Variants in NRXN1 observed in about 807,000 individuals in gnomAD.
NRXN1 encodes the protein neurexin-1.
NRXN1 carries 39 observed loss-of-function variants against 150.9 expected under a neutral mutation model. The observed-to-expected ratio is 0.26, with a 90% CI of 0.20 to 0.34. NRXN1 has a LOEUF of 0.34. Ranked by LOEUF, NRXN1 falls within the 10% of genes least tolerant of loss-of-function variation. The pLI, the probability that NRXN1 is intolerant of heterozygous loss-of-function variation, is 1.00. For synonymous variants in NRXN1, 924 were observed against 757.0 expected (o/e 1.22, Z -3.62); for missense variants, 1,815 against 1,949.9 (o/e 0.93, Z 1.30).
At chr2:50,804,128 C>T (rs950619688) in intron 5 of NRXN1, among the ~76,000 whole-genome samples, 1 of 152,104 alleles carries the variant, frequency 6.6e-6, no homozygotes, top group Non-Finnish European at 1.5e-5. Context: ...CGAATCAGTT[C>T]TCGAAATGAA....
At chr2:50,306,346 C>A (rs2074608177) in intron 17 of NRXN1, among the ~76,000 whole-genome samples, 1 of 152,162 alleles carries the variant, frequency 6.6e-6, no homozygotes, top group Admixed American at 6.5e-5. Flanking sequence ...AACGGCAGTA[C>A]CTGAGACCCC....
intron 5 of NRXN1, among the ~76,000 whole-genome samples, chr2:50,847,281 A>C (rs1321830376): frequency 6.6e-6 from 1 of 152,120 alleles, no homozygotes; most frequent in Non-Finnish European, 1.5e-5. Flanking sequence ...TTTTAAAGTA[A>C]TTGTGACCAG....
chr2:50,187,727 A>G (rs1005480618), intron 18 of NRXN1, among the ~76,000 whole-genome samples: 3 of 151,952 alleles, frequency 2.0e-5, no homozygotes, highest in African/African-American at 7.2e-5. Context: ...ATCCATGAGC[A>G]TGGTTCCATT....
At chr2:50,009,229 G>C (rs1202738871) in intron 21 of NRXN1, among the ~76,000 whole-genome samples, 1 of 152,060 alleles carries the variant, frequency 6.6e-6, no homozygotes, top group East Asian at 1.9e-4. Flanking sequence ...GTCATGAATG[G>C]AACTTAGGTA....
At chr2:50,875,266 C>T (rs954597483) in intron 5 of NRXN1, among the ~76,000 whole-genome samples, 4 of 151,612 alleles carry the variant, frequency 2.6e-5, no homozygotes, top group African/African-American at 9.7e-5. Flanking sequence ...AACTTCTTCA[C>T]TGCATGTAAG....
At chr2:50,402,431 G>A (rs2082453397) in intron 17 of NRXN1, among the ~76,000 whole-genome samples, 1 of 151,922 alleles carries the variant, frequency 6.6e-6, no homozygotes, top group Admixed American at 6.6e-5. Context: ...AATATCATCT[G>A]CCAATCTAAT....
chr2:51,018,028 G>A (rs1273363659), intron 2 of NRXN1, among the ~76,000 whole-genome samples: 3 of 152,006 alleles, frequency 2.0e-5, no homozygotes, highest in Non-Finnish European at 2.9e-5. Context: ...CGGGGCTGTG[G>A]ATTCTGCTGA....
chr2:50,900,285 A>C (rs1682717739), intron 5 of NRXN1, among the ~76,000 whole-genome samples: 1 of 152,110 alleles, frequency 6.6e-6, no homozygotes, highest in African/African-American at 2.4e-5. Context: ...TAAATCTCCA[A>C]ACCTCACCAT....
At chr2:50,550,479 A>T (rs1573506129) in intron 9 of NRXN1, among the ~76,000 whole-genome samples, 1 of 152,026 alleles carries the variant, frequency 6.6e-6, no homozygotes, top group East Asian at 1.9e-4. Context: ...TATAACATCC[A>T]CAAGCTAATA....
intron 5 of NRXN1, among the ~76,000 whole-genome samples, chr2:50,652,640 G>T (rs1025146401): frequency 6.6e-6 from 1 of 152,032 alleles, no homozygotes; most frequent in African/African-American, 2.4e-5. Context: ...TAAGAATGCT[G>T]CTGCTATGCT....
At chr2:50,290,200 G>A (rs115652925) in intron 17 of NRXN1, among the ~76,000 whole-genome samples, 1 of 152,082 alleles carries the variant, frequency 6.6e-6, no homozygotes, top group African/African-American at 2.4e-5. Flanking sequence ...AATAATTAAC[G>A]ACAAATGAGT....
intron 18 of NRXN1, among the ~76,000 whole-genome samples, chr2:50,214,616 T>C (rs1488362301): frequency 6.6e-6 from 1 of 152,000 alleles, no homozygotes; most frequent in East Asian, 1.9e-4. Context: ...TAGTCTGTAT[T>C]CTAGCTACTT....
At chr2:50,958,841 T>C (rs1279158601) in intron 2 of NRXN1, among the ~76,000 whole-genome samples, 2 of 152,144 alleles carry the variant, frequency 1.3e-5, no homozygotes, top group Non-Finnish European at 2.9e-5. Context: ...GTGAATTTCA[T>C]AAATTTTCTT....
chr2:50,447,374 G>A (rs2086512853), intron 17 of NRXN1, among the ~76,000 whole-genome samples: 1 of 149,448 alleles, frequency 6.7e-6, no homozygotes, highest in Admixed American at 6.7e-5. Flanking sequence ...CAGCTACTTG[G>A]GAGGCTGAGG....
At chr2:50,591,577 C>T (rs538389597) in intron 8 of NRXN1, among the ~76,000 whole-genome samples, 2 of 152,244 alleles carry the variant, frequency 1.3e-5, no homozygotes, top group South Asian at 4.1e-4. Context: ...TATCATAATG[C>T]CTATGATTTC....
chr2:50,309,723 G>C (rs753580433), intron 17 of NRXN1, among the ~76,000 whole-genome samples: 1 of 152,024 alleles, frequency 6.6e-6, no homozygotes, highest in Non-Finnish European at 1.5e-5. Flanking sequence ...ATGCCACTAT[G>C]GGACCCTTGC....
At chr2:50,520,236 G>A (rs2092748759) in intron 12 of NRXN1, among the ~76,000 whole-genome samples, 1 of 151,456 alleles carries the variant, frequency 6.6e-6, no homozygotes. Flanking sequence ...GGAACAAAAT[G>A]TTGTTCTGAA....
intron 5 of NRXN1, among the ~76,000 whole-genome samples, chr2:50,886,703 A>G (rs1383040180): frequency 1.3e-5 from 2 of 151,364 alleles, no homozygotes; most frequent in African/African-American, 4.8e-5. Flanking sequence ...CATCTGAGAA[A>G]CAGTAAGCTG....
At chr2:50,587,948 G>C (rs1332118752) in intron 8 of NRXN1, among the ~76,000 whole-genome samples, 2 of 152,028 alleles carry the variant, frequency 1.3e-5, no homozygotes, top group Non-Finnish European at 2.9e-5. Context: ...ATAATATGAA[G>C]TATTATGATT....
Sources: gnomAD v4.1 joint callset for allele counts (sites outside exome capture counted in the v4.1 genomes callset) on GRCh38, gnomAD v4.1.1 for gene constraint, MANE v1.5 for transcripts, NCBI Gene and HGNC (gene_info 2026-07-23, HGNC 2026-07-21) for gene names.